MBD5: variants seen among roughly 807,000 people sequenced by gnomAD.
The protein encoded by MBD5 is methyl-CpG binding domain protein 5, also known as methyl-CpG-binding domain protein 5.
In MBD5, 13 loss-of-function variants were observed where a neutral mutation model predicts 117.3. That is an observed-to-expected ratio of 0.11 (90% confidence interval 0.07 to 0.18). The LOEUF (loss-of-function observed/expected upper bound fraction) is 0.18, where lower values mean the gene tolerates loss of function less well. Among genes scored for constraint, MBD5 ranks in the 10% least tolerant of loss-of-function variants. The probability of loss-of-function intolerance (pLI) is 1.00; values close to 1 mark genes in which losing one functional copy is unlikely to be tolerated. For synonymous variants in MBD5, 727 were observed against 766.4 expected (o/e 0.95, Z 0.85); for missense variants, 1,879 against 2,093.8 (o/e 0.90, Z 2.00).
intron 1 of MBD5, among the ~76,000 whole-genome samples, chr2:148,107,786 C>T (rs1696407047): frequency 6.6e-6 from 1 of 151,834 alleles, no homozygotes; most frequent in African/African-American, 2.4e-5. Context: ...TTGATTCTGT[C>T]ACATATTTTT....
At chr2:148,324,774 C>A (rs1216880445) in intron 3 of MBD5, among the ~76,000 whole-genome samples, 1 of 152,138 alleles carries the variant, frequency 6.6e-6, no homozygotes, top group African/African-American at 2.4e-5. Flanking sequence ...ATCATGTCAT[C>A]TGCAAACAGG....
chr2:148,286,999 G>C (rs1380320153), intron 3 of MBD5, among the ~76,000 whole-genome samples: 2 of 152,048 alleles, frequency 1.3e-5, no homozygotes, highest in Non-Finnish European at 2.9e-5. Flanking sequence ...ATGACATCTT[G>C]CCCTTATTGT....
chr2:148,478,232 A>T (rs1681032809), intron 8 of MBD5, among the ~76,000 whole-genome samples: 1 of 152,220 alleles, frequency 6.6e-6, no homozygotes, highest in South Asian at 2.1e-4. Flanking sequence ...TCATGTACAC[A>T]CATATGCATA....
At position 148,483,331 on chromosome 2, in the gene MBD5, T is replaced by A. The variant is rs1346667597; in HGVS notation, c.2740T>A (p.Leu914Met). ...TTCAAACAACCATCTTCCACACCCC[T>A]TGAACCCCAGCCTCCTCAGTTCTCT... Reference protein sequence around the residue: ...STSNNHLPHPLNPSLLSSLPI... With the variant: ...STSNNHLPHPMNPSLLSSLPI... Residue 914 changes from leucine to methionine, a missense_variant, in exon 9 of 14, where the codon TTG becomes ATG. Leu to Met is a conservative substitution (Grantham distance 15, BLOSUM62 2). This residue lies in a region of MBD5 where 1,666 missense variants were observed against 1,792.2 expected (regional missense o/e 0.93). Coordinates refer to ENST00000642680, the MANE Select transcript of MBD5 (RefSeq NM_001378120.1). 1 of 1,614,052 alleles carries A rather than the reference T, an allele frequency of 6.2e-7. No homozygotes were observed. Among genetic ancestry groups the A allele is most frequent in the South Asian group, 1.1e-5 (1 of 91,070 alleles).
intron 3 of MBD5, among the ~76,000 whole-genome samples, chr2:148,286,347 G>A (rs1701368478): frequency 6.6e-6 from 1 of 152,070 alleles, no homozygotes; most frequent in South Asian, 2.1e-4. Context: ...GAGAAATGTT[G>A]TGCCAAGATT....
chr2:148,086,366 T>C (rs1377502807), intron 1 of MBD5, among the ~76,000 whole-genome samples: 1 of 152,148 alleles, frequency 6.6e-6, no homozygotes, highest in Non-Finnish European at 1.5e-5. Context: ...AACCTCCAAT[T>C]TGCATATCAG....
intron 2 of MBD5, among the ~76,000 whole-genome samples, chr2:148,196,675 T>C (rs1698996920): frequency 6.6e-6 from 1 of 152,188 alleles, no homozygotes; most frequent in Non-Finnish European, 1.5e-5. Context: ...GATCATATGG[T>C]AACCTAGCTT....
At chr2:148,379,176 G>C (rs1359811972) in intron 4 of MBD5, among the ~76,000 whole-genome samples, 1 of 151,826 alleles carries the variant, frequency 6.6e-6, no homozygotes. Context: ...TGTAACAAAT[G>C]AGAAATAAAA....
chr2:148,395,901 A>T (rs918166830), intron 4 of MBD5, among the ~76,000 whole-genome samples: 1 of 152,118 alleles, frequency 6.6e-6, no homozygotes, highest in East Asian at 1.9e-4. Context: ...GCAATCTCTA[A>T]TAGCCCTCCA....
intron 2 of MBD5, among the ~76,000 whole-genome samples, chr2:148,230,926 A>G (rs571230831): frequency 6.6e-6 from 1 of 152,260 alleles, no homozygotes; most frequent in Non-Finnish European, 1.5e-5. Flanking sequence ...CCAAGATCCC[A>G]GAGTCCTCTT....
At chr2:148,348,771 A>G (rs1703182246) in intron 4 of MBD5, among the ~76,000 whole-genome samples, 1 of 151,948 alleles carries the variant, frequency 6.6e-6, no homozygotes, top group South Asian at 2.1e-4. Context: ...TTGTTCTTGC[A>G]TTCGAACTTG....
chr2:148,194,960 A>T (rs1217096937), intron 2 of MBD5, among the ~76,000 whole-genome samples: 2 of 152,128 alleles, frequency 1.3e-5, no homozygotes, highest in African/African-American at 4.8e-5. Context: ...GGGTTGGCAA[A>T]CTTTTTATTA....
intron 3 of MBD5, among the ~76,000 whole-genome samples, chr2:148,245,371 G>A (rs1406553475): frequency 2.0e-5 from 3 of 151,990 alleles, no homozygotes; most frequent in African/African-American, 4.8e-5. Flanking sequence ...GATTACAGGC[G>A]CCCACCACCA....
chr2:148,178,001 A>G (rs1179744789), intron 1 of MBD5, among the ~76,000 whole-genome samples: 2 of 152,328 alleles, frequency 1.3e-5, no homozygotes, highest in African/African-American at 4.8e-5. Context: ...AAACAAAACA[A>G]AAACAAAAAG....
chr2:148,092,658 C>G (rs1695971987), intron 1 of MBD5, among the ~76,000 whole-genome samples: 1 of 151,890 alleles, frequency 6.6e-6, no homozygotes, highest in Non-Finnish European at 1.5e-5. Context: ...ACTTTGGGTA[C>G]TCAGGAGTAA....
At chr2:148,505,196 C>A (rs1213600252) in intron 12 of MBD5, among the ~76,000 whole-genome samples, 1 of 152,130 alleles carries the variant, frequency 6.6e-6, no homozygotes, top group African/African-American at 2.4e-5. Context: ...CTCAGGTTTT[C>A]AGCTTGGGAG....
At chr2:148,509,537 T>C (rs550171761) in intron 12 of MBD5, among the ~76,000 whole-genome samples, 1 of 152,298 alleles carries the variant, frequency 6.6e-6, no homozygotes, top group African/African-American at 2.4e-5. Context: ...AGTTAAGCTG[T>C]TTCCCACCCC....
At chr2:148,340,337 T>A (rs561946922) in intron 3 of MBD5, among the ~76,000 whole-genome samples, 7 of 152,138 alleles carry the variant, frequency 4.6e-5, no homozygotes, top group Non-Finnish European at 8.8e-5. Context: ...TTTCTGAAAT[T>A]TTTTATTGTT....
chr2:148,066,334 T>A (rs1438462757), intron 1 of MBD5, among the ~76,000 whole-genome samples: 1 of 151,846 alleles, frequency 6.6e-6, no homozygotes, highest in Non-Finnish European at 1.5e-5. Flanking sequence ...AATCAATCAA[T>A]AATAAATGTA....
Sources: gnomAD v4.1 joint callset for allele counts (sites outside exome capture counted in the v4.1 genomes callset) on GRCh38, gnomAD v4.1.1 for gene constraint, gnomAD v4.1.1 regional missense constraint, MANE v1.5 for transcripts, NCBI Gene and HGNC (gene_info 2026-07-23, HGNC 2026-07-21) for gene names.